EPB41L5: variants seen among roughly 807,000 people sequenced by gnomAD.
EPB41L5 encodes erythrocyte membrane protein band 4.1 like 5.
Under a neutral mutation model 106.6 loss-of-function variants are expected in EPB41L5, and 55 were observed. The observed-to-expected ratio is 0.52, with a 90% CI of 0.42 to 0.65. The LOEUF (loss-of-function observed/expected upper bound fraction) is 0.65, where lower values mean the gene tolerates loss of function less well. EPB41L5 is among the 30% of genes least tolerant of loss of function. The probability of loss-of-function intolerance (pLI) is 0.00; values close to 1 mark genes in which losing one functional copy is unlikely to be tolerated. For missense variants in EPB41L5, 871 were observed against 882.1 expected, an observed-to-expected ratio of 0.99 and a Z score of 0.16; for synonymous variants, 297 against 306.7, an observed-to-expected ratio of 0.97 and a Z score of 0.33.
At chr2:120,143,733 A>C (rs759071435) in intron 19 of EPB41L5, among the ~76,000 whole-genome samples, 5 of 152,202 alleles carry the variant, frequency 3.3e-5, no homozygotes, top group Non-Finnish European at 5.9e-5. Context: ...CAAGCCTTGA[A>C]GAGACCTGAT....
intron 2 of EPB41L5, among the ~76,000 whole-genome samples, chr2:120,027,102 T>C (rs1678377448): frequency 6.6e-6 from 1 of 152,208 alleles, no homozygotes; most frequent in South Asian, 2.1e-4. Context: ...CAGACCCTGC[T>C]GGTAGGAATG....
intron 17 of EPB41L5, among the ~76,000 whole-genome samples, chr2:120,128,605 G>A (rs1292358058): frequency 6.6e-6 from 1 of 152,066 alleles, no homozygotes; most frequent in Non-Finnish European, 1.5e-5. Flanking sequence ...GTCACACAGT[G>A]CTTCTGATTA....
chr2:120,106,808 C>T (rs753612574), intron 16 of EPB41L5: 36 of 985,126 alleles, frequency 3.7e-5, no homozygotes, highest in Non-Finnish European at 4.3e-5. Context: ...GTTTCAAAGG[C>T]GTTTACCTAT....
Position 120,175,111 on chromosome 2 carries a change from A to T in EPB41L5, c.*204A>T, listed in dbSNP as rs1687875956. ...CACACTGCATAGCTGCCCAAAAGAG[A>T]GTGTTTGGTCTTGAACTTTCTATAC... On this transcript the variant is annotated 3_prime_UTR_variant, in exon 25 of 25. Transcript: ENST00000263713. 2 of 571,910 alleles carry T rather than the reference A, an allele frequency of 3.5e-6. No homozygotes were observed. Among genetic ancestry groups the T allele is most frequent in the Non-Finnish European group, 6.3e-6 (2 of 316,176 alleles). 35.4% of individuals were successfully genotyped at this position (571,910 alleles called of 1,614,324 possible).
At chr2:120,106,003 C>G (rs1332760670) in intron 16 of EPB41L5, 2 of 985,202 alleles carry the variant, frequency 2.0e-6, no homozygotes, top group Non-Finnish European at 2.4e-6. Flanking sequence ...TATTCTTAAT[C>G]TGCAGGACAT....
At chr2:120,025,632 T>C (rs980080490) in intron 2 of EPB41L5, among the ~76,000 whole-genome samples, 3 of 152,204 alleles carry the variant, frequency 2.0e-5, no homozygotes, top group African/African-American at 7.2e-5. Context: ...AGACTGTATA[T>C]AGTTATACTT....
intron 24 of EPB41L5, among the ~76,000 whole-genome samples, chr2:120,172,555 G>T (rs974868652): frequency 1.3e-5 from 2 of 152,210 alleles, no homozygotes; most frequent in Non-Finnish European, 2.9e-5. Context: ...TATCAGTGAA[G>T]TGTGAGATTA....
chr2:120,147,624 CAAA>C (rs60980401), intron 20 of EPB41L5, among the ~76,000 whole-genome samples: 5 of 75,592 alleles, frequency 6.6e-5, no homozygotes, highest in Admixed American at 1.5e-4. Context: ...AACTCTGTCT[CAAA>C]AAAAAAAAAA....
At chr2:120,118,939 T>A (rs1238713535) in intron 16 of EPB41L5, among the ~76,000 whole-genome samples, 1 of 152,224 alleles carries the variant, frequency 6.6e-6, no homozygotes. Flanking sequence ...TTGAACTAAT[T>A]TACATTCCCA....
chr2:120,142,617 A>C (rs143240259), intron 18 of EPB41L5, among the ~76,000 whole-genome samples: 27 of 152,302 alleles, frequency 1.8e-4, no homozygotes, highest in African/African-American at 6.3e-4. Flanking sequence ...AGGACCAGAT[A>C]GTAAATATTT....
At chr2:120,126,257 T>C (rs1685456800) in intron 16 of EPB41L5, among the ~76,000 whole-genome samples, 1 of 152,180 alleles carries the variant, frequency 6.6e-6, no homozygotes, top group Admixed American at 6.5e-5. Flanking sequence ...CCCCAATTTG[T>C]GGCATTTCAT....
intron 11 of EPB41L5, among the ~76,000 whole-genome samples, chr2:120,088,716 T>C (rs1452504014): frequency 9.2e-6 from 1 of 108,684 alleles, no homozygotes; most frequent in Non-Finnish European, 2.3e-5. Flanking sequence ...ACCAGCAATG[T>C]TATTGGTGTT....
intron 18 of EPB41L5, among the ~76,000 whole-genome samples, chr2:120,133,907 T>C (rs1685811739): frequency 6.6e-6 from 1 of 152,080 alleles, no homozygotes; most frequent in African/African-American, 2.4e-5. Context: ...GTAGCTTGGA[T>C]ACCAGTGTAG....
chr2:120,050,195 A>C lies in EPB41L5; in HGVS notation c.285+8085A>C, dbSNP rs1204765315. Among the ~76,000 whole-genome samples, 6 of 152,152 alleles carry C rather than the reference A, an allele frequency of 3.9e-5. No homozygotes were observed. In the East Asian group the frequency reaches 1.2e-3, roughly 29 times the overall value. ...TTGTGGCGTTCTCTCTATTTCCTGA[A>C]TTTGAATGTTGGCCTGCCTCGCTAG... On this transcript the variant is annotated intron_variant, in intron 3 of 24. Coordinates refer to ENST00000263713, the MANE Select transcript of EPB41L5 (RefSeq NM_020909.4).
chr2:120,018,828 T>C (rs1677724623), intron 1 of EPB41L5, among the ~76,000 whole-genome samples: 1 of 152,106 alleles, frequency 6.6e-6, no homozygotes, highest in African/African-American at 2.4e-5. Context: ...TTATTTTTAG[T>C]AGTGATTAGT....
chr2:120,155,728 AC>A (rs1299672882), intron 20 of EPB41L5, among the ~76,000 whole-genome samples: 1 of 151,858 alleles, frequency 6.6e-6, no homozygotes, highest in Non-Finnish European at 1.5e-5. Flanking sequence ...ATCTCAGTTA[AC>A]CTGTCTTTAA....
At position 120,127,778 on chromosome 2, in the gene EPB41L5, A is replaced by C; in HGVS notation, c.1428A>C (p.Thr476=). 1 of 1,613,742 alleles carries C rather than the reference A, an allele frequency of 6.2e-7. No individual in the cohort carries two copies. Among genetic ancestry groups the C allele is most frequent in the East Asian group, 2.2e-5 (1 of 44,870 alleles). Residue 476 remains threonine, a synonymous_variant, in exon 17 of 25, where the codon ACA becomes ACC. Transcript: ENST00000263713. ...DVIGASDTME[T]SQALNDVNVA... is the part of the protein sequence containing the mutation. ...TTGGGGCATCTGACACTATGGAAAC[A>C]TCCCAAGCACTGAATGACGTTAATG...
At chr2:120,046,041 C>T (rs1442314935) in intron 3 of EPB41L5, among the ~76,000 whole-genome samples, 2 of 137,900 alleles carry the variant, frequency 1.5e-5, no homozygotes, top group Admixed American at 1.6e-4. Flanking sequence ...GCCACATTTT[C>T]TTAATCAGTC....
intron 24 of EPB41L5, among the ~76,000 whole-genome samples, chr2:120,174,319 T>C (rs1420013093): frequency 2.0e-5 from 3 of 152,126 alleles, no homozygotes; most frequent in African/African-American, 4.8e-5. Context: ...TAGCCAGGCA[T>C]GTTGGCACAG....
Sources: gnomAD v4.1 joint callset for allele counts (sites outside exome capture counted in the v4.1 genomes callset) on GRCh38, gnomAD v4.1.1 for gene constraint, MANE v1.5 for transcripts, NCBI Gene and HGNC (gene_info 2026-07-23, HGNC 2026-07-21) for gene names.